Variants in SIPA1L1 observed in about 807,000 individuals in gnomAD.
SIPA1L1 encodes signal induced proliferation associated 1 like 1.
In SIPA1L1, 26 loss-of-function variants were observed where a neutral mutation model predicts 162.7. That is an observed-to-expected ratio of 0.16 (90% CI 0.12 to 0.22). The LOEUF (loss-of-function observed/expected upper bound fraction) is 0.22. Ranked by LOEUF, SIPA1L1 falls within the 10% of genes least tolerant of loss-of-function variation. SIPA1L1 has a pLI of 1.00. For missense variants in SIPA1L1, 1,874 were observed against 2,241.0 expected (o/e 0.84, Z 3.31); for synonymous variants, 829 against 837.4 (o/e 0.99, Z 0.17).
intron 3 of SIPA1L1, among the ~76,000 whole-genome samples, chr14:71,519,156 C>T (rs962741105): frequency 1.3e-5 from 2 of 151,818 alleles, no homozygotes; most frequent in African/African-American, 4.8e-5. Flanking sequence ...ATTACCCGGT[C>T]GTGGTGGCAT....
intron 4 of SIPA1L1, among the ~76,000 whole-genome samples, chr14:71,553,650 G>C (rs1188022430): frequency 2.0e-5 from 3 of 152,214 alleles, no homozygotes; most frequent in Non-Finnish European, 4.4e-5. Flanking sequence ...AATATACCAG[G>C]AATGTGTAGG....
intron 2 of SIPA1L1, among the ~76,000 whole-genome samples, chr14:71,479,500 A>T (rs1313402187): frequency 3.3e-5 from 5 of 152,088 alleles, no homozygotes; most frequent in African/African-American, 1.2e-4. Context: ...GGTTCAAGTG[A>T]TCCTCTTGCC....
intron 2 of SIPA1L1, among the ~76,000 whole-genome samples, chr14:71,348,681 A>G (rs1044378587): frequency 6.6e-6 from 1 of 151,816 alleles, no homozygotes; most frequent in Non-Finnish European, 1.5e-5. Flanking sequence ...AAGCTTTAAA[A>G]CAAAGTGATA....
At chr14:71,470,063 C>T (rs1196208885) in intron 2 of SIPA1L1, among the ~76,000 whole-genome samples, 1 of 152,126 alleles carries the variant, frequency 6.6e-6, no homozygotes, top group Non-Finnish European at 1.5e-5. Flanking sequence ...ATTCTAGGAG[C>T]TTTGTAAATA....
At chr14:71,451,755 A>C (rs143186497) in intron 2 of SIPA1L1, among the ~76,000 whole-genome samples, 210 of 152,276 alleles carry the variant, frequency 1.4e-3, no homozygotes, top group Non-Finnish European at 2.5e-3. Context: ...AAAAAATGAA[A>C]AGTATGTCAG....
intron 3 of SIPA1L1, among the ~76,000 whole-genome samples, chr14:71,527,730 G>A (rs2053026154): frequency 6.6e-6 from 1 of 152,142 alleles, no homozygotes; most frequent in African/African-American, 2.4e-5. Context: ...TGGATACATG[G>A]ACAGTGATCC....
At chr14:71,543,979 G>T (rs189710683) in intron 4 of SIPA1L1, among the ~76,000 whole-genome samples, 1 of 146,214 alleles carries the variant, frequency 6.8e-6, no homozygotes, top group African/African-American at 2.6e-5. Context: ...ATACACACAC[G>T]CACATGTATA....
At chr14:71,734,237 C>T (rs766013069) in intron 21 of SIPA1L1, among the ~76,000 whole-genome samples, 52 of 152,248 alleles carry the variant, frequency 3.4e-4, no homozygotes, top group Non-Finnish European at 1.2e-4. Context: ...TCTCCCTCAT[C>T]TCCGTGCGCG....
chr14:71,321,772 C>T (rs2033032554), intron 2 of SIPA1L1: 1 of 152,212 alleles, frequency 6.6e-6, no homozygotes, highest in Admixed American at 6.5e-5. Flanking sequence ...TTACCAGCTT[C>T]TCTCCTGACC....
chr14:71,594,795 T>G (rs2035841344), intron 5 of SIPA1L1, among the ~76,000 whole-genome samples: 1 of 152,226 alleles, frequency 6.6e-6, no homozygotes, highest in South Asian at 2.1e-4. Context: ...ATGTAATTCA[T>G]TCGAAGGTAG....
intron 2 of SIPA1L1, among the ~76,000 whole-genome samples, chr14:71,447,494 G>T (rs2045494831): frequency 6.6e-6 from 1 of 151,736 alleles, no homozygotes; most frequent in Non-Finnish European, 1.5e-5. Flanking sequence ...ATGCTATTTG[G>T]TGTCACTAGG....
chr14:71,618,621 G>A, intron 5 of SIPA1L1, 136 bp from the exon 6 acceptor site: 1 of 757,170 alleles, frequency 1.3e-6, no homozygotes, highest in Non-Finnish European at 2.0e-6. Flanking sequence ...ACTAACTGAA[G>A]AATATTAATA....
chr14:71,625,423 T>C (rs186937720), intron 7 of SIPA1L1, among the ~76,000 whole-genome samples: 63 of 152,046 alleles, frequency 4.1e-4, no homozygotes, highest in African/African-American at 1.5e-3. Context: ...CCTCAGCCTC[T>C]CGAGTAGCTG....
At position 71,671,503 on chromosome 14, in the gene SIPA1L1, C is replaced by T. The variant is rs1402746144; in HGVS notation, c.2640C>T (p.Ile880=). The T allele has an allele frequency of 5.0e-6, 8 of 1,614,016 alleles. No homozygotes were observed. Among genetic ancestry groups the T allele is most frequent in the South Asian group, 1.1e-5 (1 of 91,074 alleles). Residue 880 remains isoleucine, a synonymous_variant, in exon 11 of 24, where the codon ATC becomes ATT. Coordinates refer to ENST00000381232, the MANE Select transcript of SIPA1L1 (RefSeq NM_001386936.1). ...TGGAACTAGACTGCCTTTTAGGGAT[C>T]TCCAATGAGTTCATTGTGCTCATTG... ...KAMELDCLLG[I]SNEFIVLIEQ...
Position 71,661,454 on chromosome 14 carries a change from A to C in SIPA1L1, c.2242A>C (p.Ser748Arg). 6.2e-7 allele frequency: 1 copy of C among 1,613,932 alleles called. No homozygotes were observed. Among genetic ancestry groups the C allele is most frequent in the African/African-American group, 1.3e-5 (1 of 75,024 alleles). Reference protein sequence around the residue: ...IVRVHNPCSDSVCYSVAVTRS... With the variant: ...IVRVHNPCSDRVCYSVAVTRS... ...CAGGGTGCACAATCCGTGCTCTGAC[A>C]GTGTCTGTTATAGGTGTGTATGGGT... The change falls in exon 10 of 24, where the codon AGT becomes CGT. Residue 748 changes from serine to arginine, a missense_variant. Physicochemically the swap from Ser to Arg is moderately radical, Grantham distance 110. Transcript: ENST00000381232.
intron 3 of SIPA1L1, among the ~76,000 whole-genome samples, chr14:71,520,165 G>T (rs1171503524): frequency 6.6e-6 from 1 of 152,052 alleles, no homozygotes; most frequent in African/African-American, 2.4e-5. Flanking sequence ...GCTTGATGAG[G>T]TACCAGATAT....
chr14:71,725,506 C>T (rs1023335182), intron 19 of SIPA1L1, among the ~76,000 whole-genome samples: 2 of 152,198 alleles, frequency 1.3e-5, no homozygotes, highest in Admixed American at 6.5e-5. Context: ...AGTCTCTCTG[C>T]ACCAAGTCCT....
At chr14:71,681,055 T>C (rs1176051609) in intron 12 of SIPA1L1, among the ~76,000 whole-genome samples, 3 of 152,222 alleles carry the variant, frequency 2.0e-5, no homozygotes, top group Non-Finnish European at 4.4e-5. Context: ...TATCAGCAGC[T>C]TCATTTTTAT....
At chr14:71,539,952 A>T (rs1377124946) in intron 4 of SIPA1L1, among the ~76,000 whole-genome samples, 1 of 152,192 alleles carries the variant, frequency 6.6e-6, no homozygotes. Flanking sequence ...TGTGCAAGAC[A>T]TTATCTGAGC....
Sources: gnomAD v4.1 joint callset for allele counts (sites outside exome capture counted in the v4.1 genomes callset) on GRCh38, gnomAD v4.1.1 for gene constraint, MANE v1.5 for transcripts, NCBI Gene and HGNC (gene_info 2026-07-23, HGNC 2026-07-21) for gene names.